Variants in ADGRG2 observed in about 807,000 individuals in gnomAD.
ADGRG2 encodes adhesion G protein-coupled receptor G2.
ADGRG2 carries 26 observed loss-of-function variants against 74.1 expected under a neutral mutation model. The ratio of observed to expected loss-of-function variants is 0.35; its 90% CI spans 0.26 to 0.49. The LOEUF (loss-of-function observed/expected upper bound fraction) is 0.49, where lower values mean the gene tolerates loss of function less well. Among genes scored for constraint, ADGRG2 ranks in the 20% least tolerant of loss-of-function variants. The probability of loss-of-function intolerance (pLI) is 0.99; values close to 1 mark genes in which losing one functional copy is unlikely to be tolerated. For synonymous variants in ADGRG2, 296 were observed against 295.2 expected (o/e 1.00, Z -0.03); for missense variants, 619 against 763.1 (o/e 0.81, Z 2.22).
chrX:19,091,492 TCACACACACACACACACACACACACA>T (rs57540002), intron 1 of ADGRG2, among the ~76,000 whole-genome samples: 2 of 82,638 alleles, frequency 2.4e-5, no homozygotes, highest in African/African-American at 8.7e-5. Context: ...AGATTTTATG[TCACACACACACACACACACACACACA>T]CACACACACA....
chrX:19,019,492 A>G, intron 15 of ADGRG2, 107 bp downstream of exon 15: 1 of 488,226 alleles, frequency 2.0e-6, no homozygotes, highest in Non-Finnish European at 3.6e-6. Context: ...CATTTTCCCT[A>G]AAATTGAAAG....
chrX:19,026,652 C>T lies in ADGRG2; in HGVS notation c.470+567G>A, dbSNP rs774866440. ...CTGGGATTACAGGCGCCCACCACCA[C>T]GCCCGGCTAATTTTTGTATTTTTAG... On this transcript the variant is annotated intron_variant, in intron 11 of 28. Transcript: ENST00000379869. 4.5e-5 allele frequency among the ~76,000 whole-genome samples: 5 copies of T among 110,738 alleles called. No homozygotes were observed. The South Asian group carries it at 1.2e-3, about 26-fold the overall frequency.
intron 2 of ADGRG2, among the ~76,000 whole-genome samples, chrX:19,081,456 C>G (rs371602189): frequency 7.2e-5 from 8 of 111,132 alleles, no homozygotes; most frequent in African/African-American, 2.0e-4. Flanking sequence ...GTGAGGGACT[C>G]AGGAAACCAA....
chrX:19,004,718 G>A lies in ADGRG2; in HGVS notation c.1961+40C>T, dbSNP rs1324903326. ...ATAAATGTTGGCAATGGAGGTGAGT[G>A]CTGAGTCCTAAATCCAAATTTCCGG... On this transcript the variant is annotated intron_variant, in intron 23 of 28. Coordinates refer to ENST00000379869, the MANE Select transcript of ADGRG2 (RefSeq NM_001079858.3). 3.4e-6 allele frequency: 4 copies of A among 1,189,107 alleles called. No individual in the cohort carries two copies. The East Asian group carries it at 1.2e-4, about 35-fold the overall frequency.
Position 19,092,779 on chromosome X carries a change from C to T in ADGRG2, c.-46-10033G>A, listed in dbSNP as rs765830526. On this transcript the variant is annotated intron_variant, in intron 1 of 28. Transcript: ENST00000379869. ...CTGGCGAGATGGAGGAGGACCTTCA[C>T]GTTGACTTGTGTCTTAGAGCCTTCA... 8.9e-5 allele frequency among the ~76,000 whole-genome samples: 10 copies of T among 112,057 alleles called. No homozygotes were observed. The Admixed American group carries it at 9.5e-4, about 11-fold the overall frequency.
rs2060964321 is a variant in ADGRG2 at position 19,037,455 on chromosome X, A to G, written c.226+12T>C. 1 of 1,153,353 alleles carries G rather than the reference A, an allele frequency of 8.7e-7. No individual in the cohort carries two copies. The highest frequency in any genetic ancestry group is 1.2e-6 in the Non-Finnish European group (1 of 849,090). ...GGTTATCAATTTTCACTTGCTTCAG[A>G]AAAATTCTTACCATTGAGGCTTGTT... On this transcript the variant is annotated intron_variant, in intron 6 of 28. Coordinates refer to ENST00000379869, the MANE Select transcript of ADGRG2 (RefSeq NM_001079858.3).
chrX:19,040,069 C>A (rs2049987847), intron 4 of ADGRG2, 120 bp downstream of exon 4: 4 of 512,709 alleles, frequency 7.8e-6, no homozygotes, highest in South Asian at 3.4e-5. Context: ...GCTTAATGAC[C>A]TAATTAAGCT....
At chrX:19,063,953 A>G (rs147941400) in intron 3 of ADGRG2, among the ~76,000 whole-genome samples, 3 of 111,918 alleles carry the variant, frequency 2.7e-5, no homozygotes, top group Non-Finnish European at 3.8e-5. Context: ...GATGAGTATT[A>G]TGGGGTACAA....
intron 23 of ADGRG2, among the ~76,000 whole-genome samples, chrX:19,003,535 G>C: frequency 9.0e-6 from 1 of 111,139 alleles, no homozygotes; most frequent in Non-Finnish European, 1.9e-5. Context: ...ATGTCTATAT[G>C]CATAAATTTC....
chrX:19,059,939 C>T (rs2061462513), intron 3 of ADGRG2, among the ~76,000 whole-genome samples: 1 of 111,068 alleles, frequency 9.0e-6, no homozygotes, highest in Non-Finnish European at 1.9e-5. Flanking sequence ...TGAGACCAGC[C>T]TGGCCAACGT....
At chrX:19,055,709 G>GTGA (rs1439347286) in intron 3 of ADGRG2, among the ~76,000 whole-genome samples, 1 of 109,655 alleles carries the variant, frequency 9.1e-6, no homozygotes, top group African/African-American at 3.3e-5. Flanking sequence ...AAGAGAGAGA[G>GTGA]TGATGGGAAT....
At chrX:19,057,453 C>T (rs890181754) in intron 3 of ADGRG2, among the ~76,000 whole-genome samples, 5 of 111,900 alleles carry the variant, frequency 4.5e-5, no homozygotes, top group Admixed American at 9.5e-5. Flanking sequence ...CAATACTGTA[C>T]GTTTTGCAAA....
chrX:19,060,262 T>C (rs2061468595), intron 3 of ADGRG2, among the ~76,000 whole-genome samples: 1 of 113,077 alleles, frequency 8.8e-6, no homozygotes, highest in African/African-American at 3.2e-5. Flanking sequence ...CTAGAGCTTT[T>C]ATCCATTTTG....
chrX:19,048,864 G>A (rs1317805172), intron 3 of ADGRG2, among the ~76,000 whole-genome samples: 1 of 112,358 alleles, frequency 8.9e-6, no homozygotes, highest in African/African-American at 3.2e-5. Flanking sequence ...TCAGTCTGAC[G>A]ACATGTAAAT....
chrX:19,011,718 G>T (rs891914338), intron 16 of ADGRG2, among the ~76,000 whole-genome samples: 1 of 111,765 alleles, frequency 8.9e-6, no homozygotes, highest in Non-Finnish European at 1.9e-5. Flanking sequence ...GGTGGCATGT[G>T]CCTGTAGTCC....
At chrX:19,112,150 C>T (rs1044922805) in intron 1 of ADGRG2, among the ~76,000 whole-genome samples, 2 of 110,457 alleles carry the variant, frequency 1.8e-5, no homozygotes, top group Non-Finnish European at 3.8e-5. Flanking sequence ...TGGTTCATTG[C>T]AACCTCGATC....
chrX:19,111,464 T>C (rs1011405722), intron 1 of ADGRG2, among the ~76,000 whole-genome samples: 3 of 110,743 alleles, frequency 2.7e-5, no homozygotes, highest in African/African-American at 9.8e-5. Flanking sequence ...ACCAGAAAGA[T>C]AGGAAAACCA....
chrX:19,114,758 G>A lies in ADGRG2; in HGVS notation c.-47+7684C>T, dbSNP rs146022058. 5.0e-3 allele frequency among the ~76,000 whole-genome samples: 562 copies of A among 111,772 alleles called. 5 individuals are homozygous for A. The highest frequency in any genetic ancestry group is 0.017 in the African/African-American group (526 of 30,787). ...AGAACCACTATGCTAAGCCATAAAC[G>A]TGACAGGCTTACAAAGGTCAGGAAT... On this transcript the variant is annotated intron_variant, in intron 1 of 28. Coordinates refer to ENST00000379869, the MANE Select transcript of ADGRG2 (RefSeq NM_001079858.3).
chrX:19,002,973 A>C lies in ADGRG2; in HGVS notation c.2103T>G (p.Leu701=). ...TGAATGAGACCAAGAGAAAATAATG[A>C]AGAAATACAGCCACTGAGATGCAGA... ...QGLCISVAVF[L]HYFLLVSFTW... is the part of the protein sequence containing the mutation. The change falls in exon 24 of 29, where the codon CTT becomes CTG. Residue 701 remains leucine, a synonymous_variant. Transcript: ENST00000379869. The C allele has an allele frequency of 8.3e-7, 1 of 1,209,940 alleles. No individual in the cohort carries two copies. The highest frequency in any genetic ancestry group is 1.1e-6 in the Non-Finnish European group (1 of 893,844).
Sources: allele counts gnomAD v4.1 joint callset (sites outside exome capture counted in the v4.1 genomes callset), GRCh38; gene constraint gnomAD v4.1.1; transcripts MANE v1.5; gene names NCBI Gene and HGNC (gene_info 2026-07-23, HGNC 2026-07-21).